VEPH1: variants seen among roughly 807,000 people sequenced by gnomAD.
VEPH1 encodes the protein ventricular zone-expressed PH domain-containing protein homolog 1.
Under a neutral mutation model 85.2 loss-of-function variants are expected in VEPH1, and 80 were observed. The observed-to-expected ratio is 0.94, with a 90% CI of 0.78 to 1.13. VEPH1 has a LOEUF of 1.13. Among genes scored for constraint, VEPH1 ranks in the 50% most tolerant of loss-of-function variants. The pLI, the probability that VEPH1 is intolerant of heterozygous loss-of-function variation, is 0.00. For synonymous variants in VEPH1, 297 were observed against 348.0 expected (o/e 0.85, Z 1.63); for missense variants, 955 against 980.5 (o/e 0.97, Z 0.35).
At chr3:157,369,088 T>C (rs1186993370) in intron 7 of VEPH1, among the ~76,000 whole-genome samples, 1 of 147,590 alleles carries the variant, frequency 6.8e-6, no homozygotes, top group Non-Finnish European at 1.5e-5. Flanking sequence ...TTGTCTGAAG[T>C]CAGCCTGCCA....
At chr3:157,393,399 G>T (rs1730059269) in intron 6 of VEPH1, among the ~76,000 whole-genome samples, 1 of 152,198 alleles carries the variant, frequency 6.6e-6, no homozygotes, top group South Asian at 2.1e-4. Context: ...AAAAATAATT[G>T]TAAAGTATCT....
chr3:157,313,789 C>T, intron 10 of VEPH1, 34 bp from the exon 11 acceptor site: 1 of 1,612,218 alleles, frequency 6.2e-7, no homozygotes, highest in Admixed American at 1.7e-5. Flanking sequence ...ACAGAATATA[C>T]TATGTCTTGT....
intron 2 of VEPH1, among the ~76,000 whole-genome samples, chr3:157,477,716 C>T (rs1460496610): frequency 6.6e-6 from 1 of 152,088 alleles, no homozygotes; most frequent in African/African-American, 2.4e-5. Flanking sequence ...CTAGTGTGAT[C>T]CAATAGGCAC....
chr3:157,444,170 C>A (rs1351397007), intron 4 of VEPH1, among the ~76,000 whole-genome samples: 1 of 152,126 alleles, frequency 6.6e-6, no homozygotes, highest in Non-Finnish European at 1.5e-5. Flanking sequence ...AAGGGCCTCA[C>A]AAAGCTGATT....
At chr3:157,431,599 G>A (rs1342271669) in intron 4 of VEPH1, among the ~76,000 whole-genome samples, 1 of 151,686 alleles carries the variant, frequency 6.6e-6, no homozygotes. Flanking sequence ...TACATAACAT[G>A]TTCACAGGTT....
intron 4 of VEPH1, among the ~76,000 whole-genome samples, chr3:157,438,525 T>G (rs1164771764): frequency 6.6e-6 from 1 of 152,048 alleles, no homozygotes; most frequent in Non-Finnish European, 1.5e-5. Flanking sequence ...CCCCCGGGGT[T>G]TGTGGAATTA....
intron 9 of VEPH1, among the ~76,000 whole-genome samples, chr3:157,333,318 C>T (rs1340857187): frequency 1.3e-5 from 2 of 152,126 alleles, no homozygotes; most frequent in African/African-American, 4.8e-5. Context: ...ATCACAAAAT[C>T]CGCCAGGGGA....
intron 10 of VEPH1, chr3:157,315,688 CAT>C (rs1483978230): frequency 1.3e-5 from 2 of 151,836 alleles, no homozygotes; most frequent in Non-Finnish European, 2.9e-5. Flanking sequence ...ACAGAAGAAA[CAT>C]AGCATACACA....
intron 5 of VEPH1, among the ~76,000 whole-genome samples, chr3:157,426,455 ATTGT>A (rs1577626984): frequency 6.6e-6 from 1 of 152,286 alleles, no homozygotes; most frequent in East Asian, 1.9e-4. Context: ...AAATAGAGAA[ATTGT>A]TTGTTCACAT....
chr3:157,270,565 G>A (rs553504390), intron 12 of VEPH1, among the ~76,000 whole-genome samples: 33 of 152,136 alleles, frequency 2.2e-4, no homozygotes, highest in African/African-American at 7.7e-4. Context: ...ATTTTGAAGG[G>A]GTTGGTCTTA....
intron 9 of VEPH1, among the ~76,000 whole-genome samples, chr3:157,343,637 A>C (rs1405009533): frequency 2.0e-5 from 3 of 152,334 alleles, no homozygotes; most frequent in African/African-American, 7.2e-5. Context: ...AAACTATTCC[A>C]ATCAATAGAA....
intron 11 of VEPH1, among the ~76,000 whole-genome samples, chr3:157,312,371 C>T: frequency 6.6e-6 from 1 of 152,162 alleles, no homozygotes; most frequent in East Asian, 1.9e-4. Context: ...GTACATATTT[C>T]CCTTGAGCAA....
intron 9 of VEPH1, among the ~76,000 whole-genome samples, chr3:157,345,840 C>G (rs1165406014): frequency 2.0e-5 from 3 of 152,158 alleles, no homozygotes; most frequent in Non-Finnish European, 4.4e-5. Context: ...CCATGGAATA[C>G]TATGCAGCCA....
chr3:157,317,242 C>T, intron 9 of VEPH1, 41 bp from the exon 10 acceptor site: 1 of 1,542,896 alleles, frequency 6.5e-7, no homozygotes, highest in East Asian at 2.3e-5. Flanking sequence ...TATGGTCTTT[C>T]CAGAGTTACA....
intron 6 of VEPH1, 61 bp from the exon 7 acceptor site, chr3:157,381,437 G>T: frequency 6.6e-7 from 1 of 1,526,492 alleles, no homozygotes; most frequent in Admixed American, 1.7e-5. Context: ...CAGGCATGGT[G>T]GTCATGCCTG....
intron 6 of VEPH1, 99 bp from the exon 7 acceptor site, chr3:157,381,475 T>C (rs906545010): frequency 4.1e-6 from 5 of 1,225,476 alleles, no homozygotes; most frequent in South Asian, 1.4e-5. Context: ...GAGGCTGAGG[T>C]GGGTGGATGG....
chr3:157,317,352 G>T, intron 9 of VEPH1, 151 bp from the exon 10 acceptor site: 1 of 526,686 alleles, frequency 1.9e-6, no homozygotes, highest in Non-Finnish European at 3.0e-6. Context: ...TTTGAGAGGG[G>T]ATCCATTTCA....
At chr3:157,437,976 G>C (rs1028058760) in intron 4 of VEPH1, 19 of 1,499,356 alleles carry the variant, frequency 1.3e-5, no homozygotes, top group Admixed American at 2.3e-5. Context: ...CGCGCGTAAC[G>C]GCAAGCCAAG....
chr3:157,386,841 T>C (rs372397731), intron 6 of VEPH1, among the ~76,000 whole-genome samples: 13 of 152,242 alleles, frequency 8.5e-5, no homozygotes, highest in African/African-American at 2.9e-4. Context: ...CCACCATTGC[T>C]TTGTTCTATT....
Sources: allele counts gnomAD v4.1 joint callset (sites outside exome capture counted in the v4.1 genomes callset), GRCh38; gene constraint gnomAD v4.1.1; transcripts MANE v1.5; gene names NCBI Gene and HGNC (gene_info 2026-07-23, HGNC 2026-07-21).